SUCLA2: variants seen among roughly 807,000 people sequenced by gnomAD.
SUCLA2 encodes the protein succinate--CoA ligase [ADP-forming] subunit beta, mitochondrial.
SUCLA2 carries 30 observed loss-of-function variants against 54.8 expected under a neutral mutation model. The ratio of observed to expected loss-of-function variants is 0.55; its 90% CI spans 0.41 to 0.74. SUCLA2 has a LOEUF of 0.74. Among genes scored for constraint, SUCLA2 ranks in the 30% least tolerant of loss-of-function variants. SUCLA2 has a pLI of 0.00. For missense variants in SUCLA2, 476 were observed against 562.9 expected (o/e 0.85, Z 1.56); for synonymous variants, 172 against 188.9 (o/e 0.91, Z 0.74).
At chr13:47,981,156 G>A (rs531650415) in intron 4 of SUCLA2, among the ~76,000 whole-genome samples, 2 of 152,072 alleles carry the variant, frequency 1.3e-5, no homozygotes, top group South Asian at 4.2e-4. Context: ...AAAGTAAAAA[G>A]GCAATCTACA....
intron 2 of SUCLA2, 97 bp downstream of exon 2, chr13:47,996,746 A>T (rs181830617): frequency 0.018 from 20,210 of 1,107,010 alleles, 221 homozygotes; most frequent in Middle Eastern, 0.028. Flanking sequence ...TATTTTTTTT[A>T]AAAAAAAGCT....
intron 4 of SUCLA2, among the ~76,000 whole-genome samples, chr13:47,981,273 C>A (rs565332861): frequency 6.6e-6 from 1 of 151,734 alleles, no homozygotes; most frequent in Admixed American, 6.6e-5. Context: ...AATAAAAAAC[C>A]CAAACAAAAA....
chr13:47,960,186 T>C (rs776401460), intron 6 of SUCLA2, among the ~76,000 whole-genome samples: 6 of 152,190 alleles, frequency 3.9e-5, no homozygotes, highest in Non-Finnish European at 7.3e-5. Context: ...TTGCTGTTGT[T>C]CTCCTGTGGG....
At chr13:47,990,371 G>A (rs769986679) in intron 2 of SUCLA2, among the ~76,000 whole-genome samples, 4 of 151,930 alleles carry the variant, frequency 2.6e-5, no homozygotes, top group Non-Finnish European at 5.9e-5. Context: ...CTGGGTGATG[G>A]GTATCCTAAA....
intron 4 of SUCLA2, among the ~76,000 whole-genome samples, chr13:47,981,314 A>C (rs150972285): frequency 1.0e-3 from 155 of 152,372 alleles, no homozygotes; most frequent in African/African-American, 3.6e-3. Context: ...ACTTAAATAG[A>C]CATTTCTCCA....
rs1016108290 is a variant in SUCLA2 at position 47,943,285 on chromosome 13, A to G, written c.*86T>C. On this transcript the variant is annotated 3_prime_UTR_variant, in exon 11 of 11. Coordinates refer to ENST00000646932, the MANE Select transcript of SUCLA2 (RefSeq NM_003850.3). ...GGCAATTACAATCTCCACACACTAAAAAGAAAAAGAACAATAACACAGAAC... is the reference window on the plus strand; with the variant it reads ...GGCAATTACAATCTCCACACACTAAGAAGAAAAAGAACAATAACACAGAAC... The G allele has an allele frequency of 1.4e-6, 2 of 1,379,320 alleles. No homozygotes were observed. The highest frequency in any genetic ancestry group is 2.8e-5 in the African/African-American group (2 of 70,296). The allele number at this position is 1,379,320 out of a possible 1,614,324, so 85.4% of individuals were successfully genotyped here. A position where few individuals can be genotyped will look rare whatever the true frequency, so the allele number is the denominator to read the frequency against.
intron 8 of SUCLA2, 131 bp from the exon 9 acceptor site, chr13:47,949,734 C>T (rs73489207): frequency 3.4e-6 from 3 of 875,594 alleles, no homozygotes; most frequent in South Asian, 1.5e-5. Flanking sequence ...AACCACAATA[C>T]CCTCTTCTAG....
chr13:47,977,785 T>A (rs78405530), intron 4 of SUCLA2, among the ~76,000 whole-genome samples: 2 of 152,054 alleles, frequency 1.3e-5, no homozygotes, highest in African/African-American at 4.8e-5. Context: ...AAAGGCCATA[T>A]AAGAAAACTC....
At chr13:47,948,139 T>C (rs573287907) in intron 10 of SUCLA2, among the ~76,000 whole-genome samples, 6 of 152,276 alleles carry the variant, frequency 3.9e-5, no homozygotes, top group East Asian at 1.9e-4. Context: ...TATGAAATGA[T>C]ATAATGTCTG....
At position 47,954,223 on chromosome 13, in the gene SUCLA2, G is replaced by A. The variant is rs1283659188; in HGVS notation, c.1024C>T (p.Pro342Ser). The stretch of plus-strand genomic sequence containing the variant: ...CCACCAACATCAAGGAAGTTGGCTG[G>A]AGTCCCTCCATGAAGTTTTATTATA... ...MDIIKLHGGT[P>S]ANFLDVGGGA... The change falls in exon 8 of 11, where the codon CCA (proline) becomes TCA (serine). Residue 342 changes from proline to serine, a missense_variant. Around this residue, in one of 2 missense-constraint regions of SUCLA2, gnomAD observed 342 missense variants for 444.2 expected, o/e 0.77. Coordinates refer to ENST00000646932, the MANE Select transcript of SUCLA2 (RefSeq NM_003850.3). 1 of 1,613,920 alleles carries A rather than the reference G, an allele frequency of 6.2e-7. No homozygotes were observed. Among genetic ancestry groups the A allele is most frequent in the Non-Finnish European group, 8.5e-7 (1 of 1,179,868 alleles).
At chr13:47,948,584 AGCCAGGATCCTC>A (rs1949753071) in intron 10 of SUCLA2, among the ~76,000 whole-genome samples, 2 of 152,070 alleles carry the variant, frequency 1.3e-5, no homozygotes, top group Admixed American at 1.3e-4. Context: ...AAGTCAGTTT[AGCCAGGATCCTC>A]CCTTACCCAT....
intron 6 of SUCLA2, among the ~76,000 whole-genome samples, chr13:47,956,053 C>T (rs1949818517): frequency 6.6e-6 from 1 of 152,048 alleles, no homozygotes; most frequent in South Asian, 2.1e-4. Context: ...CGTAATGAAA[C>T]GGGGAAATGT....
intron 4 of SUCLA2, among the ~76,000 whole-genome samples, chr13:47,983,691 G>A (rs867423591): frequency 6.6e-6 from 1 of 151,976 alleles, no homozygotes. Flanking sequence ...GGGTTTCACC[G>A]TGTTAGCCAG....
At chr13:47,973,804 C>T (rs772900398) in intron 4 of SUCLA2, among the ~76,000 whole-genome samples, 8 of 152,062 alleles carry the variant, frequency 5.3e-5, no homozygotes, top group Non-Finnish European at 8.8e-5. Context: ...ATGGATGAAG[C>T]TGGAAACTAT....
chr13:47,960,804 C>G (rs545296848), intron 6 of SUCLA2, among the ~76,000 whole-genome samples: 1 of 152,016 alleles, frequency 6.6e-6, no homozygotes, highest in Non-Finnish European at 1.5e-5. Flanking sequence ...GTGCAGGTGT[C>G]GCACTGGTTT....
chr13:47,980,266 T>A (rs1018830005), intron 4 of SUCLA2, among the ~76,000 whole-genome samples: 2 of 151,926 alleles, frequency 1.3e-5, no homozygotes, highest in Non-Finnish European at 2.9e-5. Context: ...AATACAAAAA[T>A]TAGCTGGGCG....
intron 4 of SUCLA2, among the ~76,000 whole-genome samples, chr13:47,974,565 GAC>G (rs1282803227): frequency 1.3e-5 from 2 of 151,966 alleles, no homozygotes; most frequent in Non-Finnish European, 2.9e-5. Flanking sequence ...CCAGCATGGG[GAC>G]AGAGAAAGAC....
chr13:47,974,600 A>G (rs1305156782), intron 4 of SUCLA2, among the ~76,000 whole-genome samples: 1 of 152,182 alleles, frequency 6.6e-6, no homozygotes, highest in Non-Finnish European at 1.5e-5. Context: ...AAAAAGTAAA[A>G]TACAATAAAT....
At chr13:47,974,993 T>C (rs1949998887) in intron 4 of SUCLA2, among the ~76,000 whole-genome samples, 7 of 151,862 alleles carry the variant, frequency 4.6e-5, no homozygotes, top group Non-Finnish European at 2.9e-5. Flanking sequence ...ACAGAAACAA[T>C]AAAAGAGTGG....
Sources: allele counts gnomAD v4.1 joint callset (sites outside exome capture counted in the v4.1 genomes callset), GRCh38; gene constraint gnomAD v4.1.1; regional missense constraint gnomAD v4.1.1; transcripts MANE v1.5; gene names NCBI Gene and HGNC (gene_info 2026-07-23, HGNC 2026-07-21).